The following PRR5L variants were observed in gnomAD, a reference collection of about 807,000 sequenced individuals.
The protein encoded by PRR5L is proline-rich protein 5-like.
Under a neutral mutation model 36.4 loss-of-function variants are expected in PRR5L, and 21 were observed. That is an observed-to-expected ratio of 0.58 (90% CI 0.41 to 0.83). The LOEUF is 0.83. Among genes scored for constraint, PRR5L ranks in the 40% least tolerant of loss-of-function variants. The pLI is 0.00. For synonymous variants in PRR5L, 188 were observed against 197.0 expected (o/e 0.95, Z 0.38); for missense variants, 381 against 473.3 (o/e 0.80, Z 1.81).
At chr11:36,374,081 CCTTCCTTCCTTCCTTCCTTCCTTCCTCT>C (rs1427132255) in intron 1 of PRR5L, among the ~76,000 whole-genome samples, 6 of 115,866 alleles carry the variant, frequency 5.2e-5, no homozygotes, top group African/African-American at 1.5e-4. Flanking sequence ...TTCCTTCCTT[CCTTCCTTCCTTCCTTCCTTCCTTCCTCT>C]CTCTCTCTCT....
chr11:36,302,083 G>C (rs1048376471), intron 1 of PRR5L, among the ~76,000 whole-genome samples: 1 of 152,196 alleles, frequency 6.6e-6, no homozygotes, highest in African/African-American at 2.4e-5. Flanking sequence ...TGTGCTTTTG[G>C]CTTTTCTGTG....
intron 1 of PRR5L, among the ~76,000 whole-genome samples, chr11:36,364,329 T>C (rs1001828252): frequency 1.3e-5 from 2 of 152,174 alleles, no homozygotes; most frequent in Non-Finnish European, 2.9e-5. Flanking sequence ...GTCCTTTCCT[T>C]CTCTCGTGAG....
intron 1 of PRR5L, among the ~76,000 whole-genome samples, chr11:36,343,703 G>T (rs10836538): frequency 0.31 from 47,299 of 152,002 alleles, 8,134 homozygotes; most frequent in East Asian, 0.71. Context: ...TTACCAAAAA[G>T]AAACTAAGTA....
At chr11:36,376,736 G>C in intron 1 of PRR5L, 1 of 984,796 alleles carries the variant, frequency 1.0e-6, no homozygotes, top group South Asian at 4.7e-5. Context: ...TCTCTGGGAG[G>C]GGCCGGAGTC....
At chr11:36,325,668 C>T (rs940598384) in intron 1 of PRR5L, among the ~76,000 whole-genome samples, 1 of 152,152 alleles carries the variant, frequency 6.6e-6, no homozygotes, top group Non-Finnish European at 1.5e-5. Context: ...GAGTTGCAAG[C>T]CCCCTGTTTA....
At chr11:36,450,993 T>G (rs1858932841) in intron 7 of PRR5L, among the ~76,000 whole-genome samples, 1 of 152,252 alleles carries the variant, frequency 6.6e-6, no homozygotes, top group Admixed American at 6.5e-5. Context: ...GAGAGGCTGC[T>G]GTGGTACTAA....
In PRR5L at chr11:36,339,139, T is replaced by G. The variant is rs570833254; in HGVS notation, c.-126+42701T>G. Among the ~76,000 whole-genome samples, 15 of 152,344 alleles carry G rather than the reference T, an allele frequency of 9.8e-5. No homozygotes were observed. In the East Asian group the frequency reaches 2.7e-3, roughly 27 times the overall value. On this transcript the variant is annotated intron_variant, in intron 1 of 8. Coordinates refer to ENST00000530639, the MANE Select transcript of PRR5L (RefSeq NM_001160167.2). ...CTTTTGTAAATTGCCCAGTCTCAGGTATGCCTTTATCAGCAGTGTAAAAAT... is the reference window on the plus strand; with the variant it reads ...CTTTTGTAAATTGCCCAGTCTCAGGGATGCCTTTATCAGCAGTGTAAAAAT...
chr11:36,388,739 C>G (rs1031356157), intron 1 of PRR5L, among the ~76,000 whole-genome samples: 9 of 128,406 alleles, frequency 7.0e-5, no homozygotes, highest in African/African-American at 2.5e-4. Flanking sequence ...CGCTCTGTCG[C>G]CCAGGCTGGA....
At chr11:36,393,805 T>G (rs1394852722) in intron 1 of PRR5L, 1 of 152,230 alleles carries the variant, frequency 6.6e-6, no homozygotes, top group African/African-American at 2.4e-5. Context: ...TTTCAATCAG[T>G]GAACATGGAA....
chr11:36,441,777 C>A (rs1858727687), intron 6 of PRR5L, among the ~76,000 whole-genome samples: 1 of 152,154 alleles, frequency 6.6e-6, no homozygotes, highest in Admixed American at 6.5e-5. Flanking sequence ...CTTCTGAAAT[C>A]TAGGTGGAAG....
At position 36,358,113 on chromosome 11, in the gene PRR5L, A is replaced by T. The variant is rs114055857; in HGVS notation, c.-125-42884A>T. Among the ~76,000 whole-genome samples the T allele has an allele frequency of 2.5e-3, 384 of 152,370 alleles. 1 individual carries two copies. The highest frequency in any genetic ancestry group is 9.0e-3 in the African/African-American group (375 of 41,586). On this transcript the variant is annotated intron_variant, in intron 1 of 8. Coordinates refer to ENST00000530639, the MANE Select transcript of PRR5L (RefSeq NM_001160167.2). ...TTGAGATAGAACCTCCTCCTGATGA[A>T]GATGCTGTGAACATTGTCAAAATAA...
intron 1 of PRR5L, among the ~76,000 whole-genome samples, chr11:36,332,949 A>G (rs147350660): frequency 6.6e-6 from 1 of 152,062 alleles, no homozygotes; most frequent in Non-Finnish European, 1.5e-5. Context: ...CTTTATAGCA[A>G]TGTAAAATGG....
At chr11:36,405,129 C>T (rs1351899355) in intron 3 of PRR5L, among the ~76,000 whole-genome samples, 1 of 152,156 alleles carries the variant, frequency 6.6e-6, no homozygotes, top group Admixed American at 6.5e-5. Context: ...AGCCAGATTT[C>T]ACCAGCCCAG....
chr11:36,351,725 A>G (rs1250922954), intron 1 of PRR5L, among the ~76,000 whole-genome samples: 1 of 95,066 alleles, frequency 1.1e-5, no homozygotes, highest in Non-Finnish European at 2.0e-5. Context: ...ATATTTATAT[A>G]TTTTTTATAT....
At chr11:36,431,786 G>A (rs938902551) in intron 4 of PRR5L, 67 bp from the exon 5 acceptor site, 2 of 1,457,290 alleles carry the variant, frequency 1.4e-6, no homozygotes, top group Admixed American at 1.7e-5. Context: ...ACTGGAAGTG[G>A]AAGAGGGTTC....
chr11:36,376,363 G>T, intron 1 of PRR5L: 1 of 1,154,942 alleles, frequency 8.7e-7, no homozygotes, highest in Non-Finnish European at 1.1e-6. Context: ...AGGAGGAGGA[G>T]GAGGAGGAGG....
intron 3 of PRR5L, among the ~76,000 whole-genome samples, chr11:36,406,362 A>T (rs1857912531): frequency 6.6e-6 from 1 of 152,224 alleles, no homozygotes; most frequent in South Asian, 2.1e-4. Flanking sequence ...AAAAAAAATC[A>T]GAGCTTTCCT....
At chr11:36,298,213 A>G (rs1036651658) in intron 1 of PRR5L, among the ~76,000 whole-genome samples, 42 of 152,082 alleles carry the variant, frequency 2.8e-4, no homozygotes, top group African/African-American at 9.4e-4. Context: ...GCAGTCCCCA[A>G]TTTTTTTGGT....
intron 4 of PRR5L, among the ~76,000 whole-genome samples, chr11:36,431,625 G>A (rs775338709): frequency 2.0e-5 from 3 of 152,014 alleles, no homozygotes; most frequent in Non-Finnish European, 4.4e-5. Flanking sequence ...TGAGGGTGGC[G>A]GTTGGGTTTG....
Sources: gnomAD v4.1 joint callset for allele counts (sites outside exome capture counted in the v4.1 genomes callset) on GRCh38, gnomAD v4.1.1 for gene constraint, MANE v1.5 for transcripts, NCBI Gene and HGNC (gene_info 2026-07-23, HGNC 2026-07-21) for gene names.